The following PPFIA2 variants were observed in gnomAD, a reference collection of about 807,000 sequenced individuals.
PPFIA2 encodes the protein PPFI scaffold protein A2.
Under a neutral mutation model 175.5 loss-of-function variants are expected in PPFIA2, and 46 were observed. The ratio of observed to expected loss-of-function variants is 0.26; its 90% confidence interval spans 0.21 to 0.34. The LOEUF (loss-of-function observed/expected upper bound fraction) is 0.34. Among genes scored for constraint, PPFIA2 ranks in the 10% least tolerant of loss-of-function variants. PPFIA2 has a pLI of 1.00. For synonymous variants in PPFIA2, 568 were observed against 511.4 expected, an observed-to-expected ratio of 1.11 and a Z score of -1.49; for missense variants, 1,179 against 1,506.1, an observed-to-expected ratio of 0.78 and a Z score of 3.60.
At chr12:81,643,154 AT>A (rs2065584694) in intron 4 of PPFIA2, among the ~76,000 whole-genome samples, 1 of 150,818 alleles carries the variant, frequency 6.6e-6, no homozygotes, top group Non-Finnish European at 1.5e-5. Context: ...TTAAAATATC[AT>A]TATAAAAATA....
Position 81,754,051 on chromosome 12 carries a change from T to A in PPFIA2, c.171A>T (p.Ser57=), listed in dbSNP as rs777459582. 1 of 1,613,844 alleles carries A rather than the reference T, an allele frequency of 6.2e-7. No homozygotes were observed. Among genetic ancestry groups the A allele is most frequent in the Non-Finnish European group, 8.5e-7 (1 of 1,179,844 alleles). ...CATCCTGAAGTCTTTGCTGGGCAAGTGAGAGGCTTTCCTGGGTCTCCCGAA... is the reference window on the plus strand; with the variant it reads ...CATCCTGAAGTCTTTGCTGGGCAAGAGAGAGGCTTTCCTGGGTCTCCCGAA... ...DTLRETQESL[S]LAQQRLQDVI... The change falls in exon 3 of 33, where the codon TCA becomes TCT. Residue 57 remains serine (S), a synonymous_variant. Coordinates refer to ENST00000549396, the MANE Select transcript of PPFIA2 (RefSeq NM_003625.5).
At chr12:81,308,216 T>G (rs931777941) in intron 22 of PPFIA2, among the ~76,000 whole-genome samples, 15 of 152,218 alleles carry the variant, frequency 9.9e-5, no homozygotes, top group African/African-American at 3.6e-4. Context: ...ATATAGTGGT[T>G]TGAAAGAGCA....
chr12:81,267,214 T>C, intron 29 of PPFIA2, 194 bp from the exon 30 acceptor site: 1 of 567,864 alleles, frequency 1.8e-6, no homozygotes, highest in Admixed American at 2.7e-5. Context: ...TTTTTTTTTC[T>C]GTGAACAGTA....
At chr12:81,463,953 T>C (rs1331802503) in intron 4 of PPFIA2, among the ~76,000 whole-genome samples, 1 of 152,160 alleles carries the variant, frequency 6.6e-6, no homozygotes, top group Non-Finnish European at 1.5e-5. Context: ...TGTGCACTCC[T>C]GAATTTGTTA....
chr12:81,550,135 A>G (rs1219797346), intron 4 of PPFIA2, among the ~76,000 whole-genome samples: 14 of 151,952 alleles, frequency 9.2e-5, no homozygotes, highest in Admixed American at 9.2e-4. Context: ...AATGACAAAA[A>G]TCTCTGCCCT....
intron 22 of PPFIA2, chr12:81,302,338 T>C (rs1406746795): frequency 4.2e-6 from 1 of 240,446 alleles, no homozygotes. Context: ...GGTGAGAATT[T>C]GGTTAAGAGG....
At chr12:81,349,806 A>C (rs2059702285) in intron 17 of PPFIA2, among the ~76,000 whole-genome samples, 1 of 152,196 alleles carries the variant, frequency 6.6e-6, no homozygotes, top group Admixed American at 6.5e-5. Flanking sequence ...ATAAAAGCAC[A>C]GATGAATGAA....
intron 30 of PPFIA2, among the ~76,000 whole-genome samples, chr12:81,264,446 C>T (rs964613363): frequency 1.3e-5 from 2 of 152,112 alleles, no homozygotes; most frequent in Admixed American, 1.3e-4. Flanking sequence ...CTTCTCATCT[C>T]ACTGTTTCTT....
chr12:81,401,452 G>A (rs2042086580), intron 8 of PPFIA2, among the ~76,000 whole-genome samples: 1 of 152,086 alleles, frequency 6.6e-6, no homozygotes, highest in Non-Finnish European at 1.5e-5. Flanking sequence ...CAAACAAATC[G>A]CTATTCCACA....
chr12:81,458,928 A>T (rs2145837669), intron 4 of PPFIA2, among the ~76,000 whole-genome samples: 1 of 152,312 alleles, frequency 6.6e-6, no homozygotes, highest in East Asian at 1.9e-4. Flanking sequence ...ATTAAAAAAC[A>T]TAAAATGAAG....
intron 4 of PPFIA2, among the ~76,000 whole-genome samples, chr12:81,642,277 T>C (rs1216007669): frequency 6.6e-6 from 1 of 151,776 alleles, no homozygotes; most frequent in Non-Finnish European, 1.5e-5. Flanking sequence ...GTAGGAAAAA[T>C]AGCAGATTAG....
At chr12:81,691,657 T>C (rs2075260805) in intron 3 of PPFIA2, among the ~76,000 whole-genome samples, 1 of 152,124 alleles carries the variant, frequency 6.6e-6, no homozygotes, top group Non-Finnish European at 1.5e-5. Context: ...TCTTTTATTG[T>C]ACAGATTGCA....
chr12:81,559,305 T>A (rs1232365844), intron 4 of PPFIA2, among the ~76,000 whole-genome samples: 1 of 152,190 alleles, frequency 6.6e-6, no homozygotes, highest in Non-Finnish European at 1.5e-5. Context: ...TGTGGATGCA[T>A]GTGCATGCAC....
chr12:81,472,351 G>A (rs1268347267), intron 4 of PPFIA2, among the ~76,000 whole-genome samples: 1 of 152,162 alleles, frequency 6.6e-6, no homozygotes, highest in Non-Finnish European at 1.5e-5. Context: ...GAATAAAATG[G>A]TATGTGTTGT....
intron 4 of PPFIA2, among the ~76,000 whole-genome samples, chr12:81,502,267 G>A (rs1304115605): frequency 2.0e-5 from 3 of 152,082 alleles, no homozygotes; most frequent in Non-Finnish European, 4.4e-5. Context: ...ACATAAAAAC[G>A]ATATGGAACT....
chr12:81,542,512 C>T (rs569668206), intron 4 of PPFIA2, among the ~76,000 whole-genome samples: 44 of 152,232 alleles, frequency 2.9e-4, no homozygotes, highest in Admixed American at 1.5e-3. Context: ...TTAGAATGCA[C>T]ATATGTTTAC....
intron 4 of PPFIA2, among the ~76,000 whole-genome samples, chr12:81,664,209 A>C (rs1353567634): frequency 1.9e-4 from 29 of 152,170 alleles, no homozygotes. Context: ...TAAACTAAAG[A>C]GCTTCTGCAC....
chr12:81,660,680 T>A (rs1321286582), intron 4 of PPFIA2, among the ~76,000 whole-genome samples: 1 of 151,978 alleles, frequency 6.6e-6, no homozygotes, highest in Non-Finnish European at 1.5e-5. Flanking sequence ...ACATTCAAAT[T>A]CAGGAAATAC....
chr12:81,478,127 G>A (rs2057721103), intron 4 of PPFIA2, among the ~76,000 whole-genome samples: 1 of 151,844 alleles, frequency 6.6e-6, no homozygotes, highest in Non-Finnish European at 1.5e-5. Context: ...TTCTTCTTAG[G>A]TTAGTCTTCG....
Sources: allele counts gnomAD v4.1 joint callset (sites outside exome capture counted in the v4.1 genomes callset), GRCh38; gene constraint gnomAD v4.1.1; transcripts MANE v1.5; gene names NCBI Gene and HGNC (gene_info 2026-07-23, HGNC 2026-07-21).